The following NAV1 variants were observed in gnomAD, a reference collection of about 807,000 sequenced individuals.
The protein encoded by NAV1 is neuron navigator 1.
In NAV1, 18 loss-of-function variants were observed where a neutral mutation model predicts 175.2. The observed-to-expected ratio is 0.10, with a 90% CI of 0.07 to 0.15. NAV1 has a LOEUF of 0.15. Ranked by LOEUF, NAV1 falls within the 10% of genes least tolerant of loss-of-function variation. The probability of loss-of-function intolerance (pLI) is 1.00; values close to 1 mark genes in which losing one functional copy is unlikely to be tolerated. For missense variants in NAV1, 1,731 were observed against 2,436.6 expected, an observed-to-expected ratio of 0.71 and a Z score of 6.10; for synonymous variants, 897 against 978.7, an observed-to-expected ratio of 0.92 and a Z score of 1.56.
chr1:201,579,926 C>T (rs970363475), intron 1 of NAV1, among the ~76,000 whole-genome samples: 2 of 152,208 alleles, frequency 1.3e-5, no homozygotes, highest in African/African-American at 2.4e-5. Flanking sequence ...AGTAGCATGG[C>T]TCAGTCCAAG....
At chr1:201,583,158 G>A (rs1666918599) in intron 1 of NAV1, among the ~76,000 whole-genome samples, 1 of 152,258 alleles carries the variant, frequency 6.6e-6, no homozygotes, top group Admixed American at 6.5e-5. Context: ...CCCATTTGGT[G>A]ATTTCTTAGC....
chr1:201,631,170 AC>A (rs1668471277), intron 2 of NAV1, among the ~76,000 whole-genome samples: 1 of 152,226 alleles, frequency 6.6e-6, no homozygotes, highest in Admixed American at 6.5e-5. Context: ...AGCAGGGTTC[AC>A]TGCACTGCCT....
At chr1:201,589,708 TC>T (rs924566629) in intron 2 of NAV1, among the ~76,000 whole-genome samples, 98 of 152,276 alleles carry the variant, frequency 6.4e-4, no homozygotes, top group African/African-American at 2.4e-3. Flanking sequence ...ATCAGGCTTA[TC>T]TCGAACTCCT....
At chr1:201,725,627 T>A (rs1672574460) in intron 3 of NAV1, among the ~76,000 whole-genome samples, 1 of 142,464 alleles carries the variant, frequency 7.0e-6, no homozygotes, top group Non-Finnish European at 1.5e-5. Flanking sequence ...CCAGCCCGGG[T>A]GACAGAGCAA....
chr1:201,693,852 C>T (rs1429763471), intron 1 of NAV1, among the ~76,000 whole-genome samples: 1 of 152,172 alleles, frequency 6.6e-6, no homozygotes, highest in African/African-American at 2.4e-5. Context: ...CAAATGCCAT[C>T]TGAGAGATGC....
rs1206705983 is a variant in NAV1 at position 201,810,471 on chromosome 1, G to A, written c.4562-52G>A. The A allele has an allele frequency of 1.6e-5, 25 of 1,517,092 alleles. No individual in the cohort carries two copies. The highest frequency in any genetic ancestry group is 3.9e-5 in the Admixed American group (2 of 50,798). The allele number at this position is 1,517,092 out of a possible 1,614,324, so 94.0% of individuals were successfully genotyped here. A position where few individuals can be genotyped will look rare whatever the true frequency, so the allele number is the denominator to read the frequency against. ...AAAGAAAAGCCCTTTAGGATCCCTTGCTATCCTCAAGACCCTGGTCAATAC... is the reference window on the plus strand; with the variant it reads ...AAAGAAAAGCCCTTTAGGATCCCTTACTATCCTCAAGACCCTGGTCAATAC... On this transcript the variant is annotated intron_variant, in intron 23 of 29. Coordinates refer to ENST00000367296, the Ensembl canonical transcript of NAV1. This position sits in a 1 kb window ranked among gnomAD's most constrained non-coding sequence, Gnocchi z 6.0.
upstream of NAV1, among the ~76,000 whole-genome samples, chr1:201,622,255 G>A (rs1037996298): frequency 6.6e-6 from 1 of 152,222 alleles, no homozygotes; most frequent in Non-Finnish European, 1.5e-5. Context: ...GGAATGGCAG[G>A]AGCCTCAAGG....
rs373420754 is a variant in NAV1, at chr1:201,642,808, C to T, written c.5-5826C>T. Among the ~76,000 whole-genome samples the T allele has an allele frequency of 6.3e-4, 95 of 149,814 alleles. 1 individual carries two copies. Among genetic ancestry groups the T allele is most frequent in the African/African-American group, 2.3e-3 (92 of 40,650 alleles). Reference sequence around the variant, plus strand: ...TTTCTTTCTCGGAGTCTTGCTCTGTCGCCCAGGCTGGAGTGCAGTGGCGCC... The same window carrying T: ...TTTCTTTCTCGGAGTCTTGCTCTGTTGCCCAGGCTGGAGTGCAGTGGCGCC... On this transcript the variant is annotated intron_variant, in intron 2 of 29. Transcript: ENST00000367302.
chr1:201,699,225 A>G (rs1247331147), intron 1 of NAV1, among the ~76,000 whole-genome samples: 2 of 152,250 alleles, frequency 1.3e-5, no homozygotes, highest in Non-Finnish European at 2.9e-5. Context: ...TTAAGCTGAT[A>G]AGCAACTTCA....
At chr1:201,682,460 C>T (rs1027236781) in intron 1 of NAV1, among the ~76,000 whole-genome samples, 1 of 152,168 alleles carries the variant, frequency 6.6e-6, no homozygotes, top group African/African-American at 2.4e-5. Context: ...CCCACTCTCC[C>T]TGGTCAGGCT....
chr1:201,547,801 C>T (rs7515437), intron 1 of NAV1, among the ~76,000 whole-genome samples: 2 of 152,014 alleles, frequency 1.3e-5, no homozygotes, highest in Non-Finnish European at 2.9e-5. Flanking sequence ...TTTTAAATTA[C>T]TATTATTTTT....
chr1:201,611,257 T>G (rs1210162619), intron 2 of NAV1, among the ~76,000 whole-genome samples: 1 of 152,192 alleles, frequency 6.6e-6, no homozygotes, highest in African/African-American at 2.4e-5. Flanking sequence ...CCAGCTGGTT[T>G]GCTGAAGCCT....
chr1:201,641,259 C>G (rs1668744735), intron 2 of NAV1, among the ~76,000 whole-genome samples: 1 of 152,200 alleles, frequency 6.6e-6, no homozygotes. Flanking sequence ...CAGAGCCTGA[C>G]CACTTCTCAC....
intron 13 of NAV1, 174 bp downstream of exon 17, chr1:201,790,940 C>T (rs1677076209): frequency 3.2e-6 from 2 of 629,518 alleles, no homozygotes; most frequent in East Asian, 5.5e-5. Flanking sequence ...TTCCCCTTCT[C>T]TGAGCCTCAA....
chr1:201,747,615 A>G (rs1229791474), intron 3 of NAV1, among the ~76,000 whole-genome samples: 1 of 152,184 alleles, frequency 6.6e-6, no homozygotes, highest in Non-Finnish European at 1.5e-5. Context: ...GTGGTTGAAA[A>G]GCAGTGCTTG....
intron 1 of NAV1, among the ~76,000 whole-genome samples, chr1:201,710,246 A>T (rs2102465408): frequency 6.6e-6 from 1 of 151,202 alleles, no homozygotes; most frequent in East Asian, 1.9e-4. Context: ...AATTTTAAAA[A>T]ATTGTGGTAG....
At chr1:201,763,231 T>G (rs2102640848) in intron 3 of NAV1, among the ~76,000 whole-genome samples, 1 of 152,312 alleles carries the variant, frequency 6.6e-6, no homozygotes, top group East Asian at 1.9e-4. Flanking sequence ...CTGTTTATAC[T>G]TGGGGAAATT....
chr1:201,682,463 G>A (rs1310157235), intron 1 of NAV1, among the ~76,000 whole-genome samples: 1 of 152,174 alleles, frequency 6.6e-6, no homozygotes, highest in East Asian at 1.9e-4. Flanking sequence ...ACTCTCCCTG[G>A]TCAGGCTCTA....
At chr1:201,591,238 C>A (rs1008300744) in intron 2 of NAV1, among the ~76,000 whole-genome samples, 2 of 152,206 alleles carry the variant, frequency 1.3e-5, no homozygotes, top group African/African-American at 2.4e-5. Context: ...CAGCTCCACA[C>A]AGATTTTCTT....
Sources: gnomAD v4.1 joint callset for allele counts (sites outside exome capture counted in the v4.1 genomes callset) on GRCh38, gnomAD v4.1.1 for gene constraint, Gnocchi (gnomAD v3.1) non-coding constraint, MANE v1.5 for transcripts, NCBI Gene and HGNC (gene_info 2026-07-23, HGNC 2026-07-21) for gene names.